Variants in VAV1 observed in about 807,000 individuals in gnomAD.
The protein encoded by VAV1 is proto-oncogene vav.
VAV1 carries 33 observed loss-of-function variants against 128.1 expected under a neutral mutation model. The ratio of observed to expected loss-of-function variants is 0.26; its 90% CI spans 0.20 to 0.34. VAV1 has a LOEUF of 0.34. Among genes scored for constraint, VAV1 ranks in the 10% least tolerant of loss-of-function variants. The pLI, the probability that VAV1 is intolerant of heterozygous loss-of-function variation, is 1.00. For missense variants in VAV1, 715 were observed against 1,093.7 expected (o/e 0.65, Z 4.88); for synonymous variants, 394 against 409.8 (o/e 0.96, Z 0.47).
chr19:6,828,286 AC>A lies in VAV1; in HGVS notation c.1023+116del, dbSNP rs943768769. 1.3e-6 allele frequency: 2 copies of A among 1,504,404 alleles called. No individual in the cohort carries two copies. Among genetic ancestry groups the A allele is most frequent in the African/African-American group, 1.4e-5 (1 of 72,518 alleles). The allele number at this position is 1,504,404 out of a possible 1,614,324, so 93.2% of individuals were successfully genotyped here. On this transcript the variant is annotated intron_variant, in intron 10 of 26. Coordinates refer to ENST00000602142, the MANE Select transcript of VAV1 (RefSeq NM_005428.4). The surrounding 1 kb of genome is among the most constrained non-coding windows in gnomAD (Gnocchi z 4.5). ...TCTCTAGGACGCTCGGGGATGGGTC[AC>A]TGGGGTCATGTCTCAGCCTCCAGGG...
intron 1 of VAV1, among the ~76,000 whole-genome samples, chr19:6,776,071 T>TCCAC (rs1970614544): frequency 6.8e-6 from 1 of 147,292 alleles, no homozygotes; most frequent in South Asian, 2.2e-4. Context: ...CATCCATCCA[T>TCCAC]CCATTTATCC....
rs1002823385 is a variant in VAV1 at position 6,774,427 on chromosome 19, CTTTT to C, written c.204+1438_204+1441del. Among the ~76,000 whole-genome samples the C allele has an allele frequency of 1.1e-3, 99 of 91,560 alleles. 2 individuals carry two copies. Among genetic ancestry groups the C allele is most frequent in the African/African-American group, 4.8e-3 (86 of 17,790 alleles). 60.1% of individuals were successfully genotyped at this position (91,560 alleles called of 152,430 possible). A position where few individuals can be genotyped will look rare whatever the true frequency, so the allele number is the denominator to read the frequency against. On this transcript the variant is annotated intron_variant, in intron 1 of 26. Coordinates refer to ENST00000602142, the MANE Select transcript of VAV1 (RefSeq NM_005428.4). ...ACAGGTGTGAGCCACCGCGCCCAGC[CTTTT>C]TTTTTTTTTTTTTTTTTTTTTAAAG...
At chr19:6,821,925 G>A (rs1971798564) in intron 4 of VAV1, 66 bp downstream of exon 4, 1 of 1,595,870 alleles carries the variant, frequency 6.3e-7, no homozygotes, top group Non-Finnish European at 8.6e-7. Flanking sequence ...AGGGTGTGGG[G>A]GGACATGGCC....
In VAV1 at chr19:6,816,686, C is replaced by T. The variant is rs570494522; in HGVS notation, c.205-4016C>T. Among the ~76,000 whole-genome samples the T allele has an allele frequency of 8.6e-5, 13 of 151,844 alleles. No individual in the cohort carries two copies. The South Asian group carries it at 1.3e-3, about 15-fold the overall frequency. On this transcript the variant is annotated intron_variant, in intron 1 of 26. Transcript: ENST00000602142. ...TTCTTGTAGGTAAAATAGACACAGA[C>T]GGGTGTGGTGGCTCATGCCTGTAAT...
At chr19:6,804,933 C>G (rs1429821185) in intron 1 of VAV1, among the ~76,000 whole-genome samples, 3 of 151,476 alleles carry the variant, frequency 2.0e-5, no homozygotes, top group Non-Finnish European at 4.4e-5. Context: ...CCATGTTAGC[C>G]AGGATGGTCT....
chr19:6,782,349 T>A (rs1970784703), intron 1 of VAV1, among the ~76,000 whole-genome samples: 1 of 150,592 alleles, frequency 6.6e-6, no homozygotes, highest in Non-Finnish European at 1.5e-5. Flanking sequence ...AATAAATAAA[T>A]AAATAAAAAT....
chr19:6,790,428 C>T (rs1172649068), intron 1 of VAV1, among the ~76,000 whole-genome samples: 2 of 152,156 alleles, frequency 1.3e-5, no homozygotes, highest in African/African-American at 2.4e-5. Context: ...TTTATTCTCT[C>T]ATAATCCTAG....
At position 6,776,150 on chromosome 19, in the gene VAV1, A is replaced by G. The variant is rs1356494669; in HGVS notation, c.204+3139A>G. 3.3e-5 allele frequency among the ~76,000 whole-genome samples: 3 copies of G among 90,726 alleles called. No individual in the cohort carries two copies. The Admixed American group carries it at 4.0e-4, about 12-fold the overall frequency. 59.5% of individuals were successfully genotyped at this position (90,726 alleles called of 152,430 possible). A position where few individuals can be genotyped will look rare whatever the true frequency, so the allele number is the denominator to read the frequency against. On this transcript the variant is annotated intron_variant, in intron 1 of 26. Coordinates refer to ENST00000602142, the MANE Select transcript of VAV1 (RefSeq NM_005428.4). ...TGCTCATCCATTCATCCATCTGCTCATCTATCCACCCATCCATCCATCCAT... is the reference window on the plus strand; with the variant it reads ...TGCTCATCCATTCATCCATCTGCTCGTCTATCCACCCATCCATCCATCCAT...
intron 1 of VAV1, among the ~76,000 whole-genome samples, chr19:6,811,544 C>T (rs1971512379): frequency 6.6e-6 from 1 of 152,026 alleles, no homozygotes; most frequent in African/African-American, 2.4e-5. Context: ...TGGCTGAAGA[C>T]ATTGGGGAAG....
At chr19:6,788,284 G>A (rs190611105) in intron 1 of VAV1, among the ~76,000 whole-genome samples, 1 of 151,872 alleles carries the variant, frequency 6.6e-6, no homozygotes, top group Non-Finnish European at 1.5e-5. Context: ...AAATAGGGGG[G>A]TTGGCTTTCT....
chr19:6,788,055 T>C (rs372411235), intron 1 of VAV1, among the ~76,000 whole-genome samples: 2,692 of 151,794 alleles, frequency 0.018, 34 homozygotes, highest in South Asian at 0.061. Context: ...CCAGCCTGGG[T>C]GACAGAGCAA....
chr19:6,787,154 C>G (rs1970911658), intron 1 of VAV1, among the ~76,000 whole-genome samples: 2 of 151,528 alleles, frequency 1.3e-5, no homozygotes, highest in Admixed American at 6.6e-5. Flanking sequence ...CTTTCCATCT[C>G]TCTCTCTCTA....
At chr19:6,798,666 C>CG (rs569232136) in intron 1 of VAV1, among the ~76,000 whole-genome samples, 211 of 151,588 alleles carry the variant, frequency 1.4e-3, no homozygotes, top group Middle Eastern at 0.014. Context: ...CCTTCCCCCC[C>CG]CCACCCAAAA....
chr19:6,816,184 T>G (rs910472907), intron 1 of VAV1, among the ~76,000 whole-genome samples: 1 of 152,092 alleles, frequency 6.6e-6, no homozygotes, highest in Middle Eastern at 3.2e-3. Flanking sequence ...CACGCCCAGC[T>G]AATTTTTTTG....
intron 19 of VAV1, among the ~76,000 whole-genome samples, chr19:6,834,473 A>C (rs1599668476): frequency 6.6e-6 from 1 of 151,256 alleles, no homozygotes; most frequent in Non-Finnish European, 1.5e-5. Context: ...CGAACTCTTG[A>C]CCTCAGGTGA....
Position 6,848,123 on chromosome 19 carries a change from T to A in VAV1, c.2129+9T>A, listed in dbSNP as rs1972571655. The A allele has an allele frequency of 6.5e-7, 1 of 1,543,792 alleles. No individual in the cohort carries two copies. Among genetic ancestry groups the A allele is most frequent in the Admixed American group, 2.2e-5 (1 of 44,504 alleles). On this transcript the variant is annotated intron_variant, in intron 23 of 26. Coordinates refer to ENST00000602142, the MANE Select transcript of VAV1 (RefSeq NM_005428.4). ...TTTGCCATCAGCATTAAGTAACTCC[T>A]TTCTCCCTGACTCATACCCTTTTGG...
chr19:6,843,217 T>A, intron 22 of VAV1, 51 bp downstream of exon 22: 1 of 1,609,300 alleles, frequency 6.2e-7, no homozygotes, highest in Non-Finnish European at 8.5e-7. Context: ...TGGGTTGGGG[T>A]TCCAGGCTGG....
intron 1 of VAV1, among the ~76,000 whole-genome samples, chr19:6,774,921 A>ATTTT (rs61404391): frequency 2.9e-5 from 4 of 137,348 alleles, no homozygotes; most frequent in African/African-American, 1.1e-4. Flanking sequence ...TGCCTGCCTA[A>ATTTT]TTTTTTTTTT....
At chr19:6,801,211 T>C (rs1971260611) in intron 1 of VAV1, among the ~76,000 whole-genome samples, 1 of 152,216 alleles carries the variant, frequency 6.6e-6, no homozygotes, top group African/African-American at 2.4e-5. Flanking sequence ...GCTGAATTAA[T>C]GCATGACCGG....
Sources: gnomAD v4.1 joint callset for allele counts (sites outside exome capture counted in the v4.1 genomes callset) on GRCh38, gnomAD v4.1.1 for gene constraint, Gnocchi (gnomAD v3.1) non-coding constraint, MANE v1.5 for transcripts, NCBI Gene and HGNC (gene_info 2026-07-23, HGNC 2026-07-21) for gene names.